WNT5B: variants seen among roughly 807,000 people sequenced by gnomAD.
WNT5B encodes the protein protein Wnt-5b.
Under a neutral mutation model 36.5 loss-of-function variants are expected in WNT5B, and 18 were observed. That is an observed-to-expected ratio of 0.49 (90% CI 0.34 to 0.73). The LOEUF (loss-of-function observed/expected upper bound fraction) is 0.73. Ranked by LOEUF, WNT5B falls within the 30% of genes least tolerant of loss-of-function variation. The pLI is 0.01. For synonymous variants in WNT5B, 213 were observed against 212.3 expected, an observed-to-expected ratio of 1.00 and a Z score of -0.03; for missense variants, 424 against 508.4, an observed-to-expected ratio of 0.83 and a Z score of 1.60.
In WNT5B at chr12:1,633,566, ATGGAGG is replaced by A. The variant is rs1034901460; in HGVS notation, c.328+664_328+669del. Among the ~76,000 whole-genome samples, 1 of 152,100 alleles carries A rather than the reference ATGGAGG, an allele frequency of 6.6e-6. No homozygotes were observed. The highest frequency in any genetic ancestry group is 2.4e-5 in the African/African-American group (1 of 41,418). On this transcript the variant is annotated intron_variant, in intron 3 of 4. Transcript: ENST00000397196. The surrounding 1 kb of genome is among the most constrained non-coding windows in gnomAD (Gnocchi z 4.8). ...ATTCTTGGGCCACCCTATTGCTTAG[ATGGAGG>A]TGTGATCTGAGGTCTAATTGTTTTA... is the stretch of plus-strand genomic sequence containing the variant.
At chr12:1,623,155 G>A (rs572508627) in intron 1 of WNT5B, among the ~76,000 whole-genome samples, 2 of 148,430 alleles carry the variant, frequency 1.3e-5, no homozygotes, top group African/African-American at 5.0e-5. Context: ...TCATCCTTTA[G>A]GAGATAGGAA....
At chr12:1,621,551 A>C (rs2094533801) in intron 1 of WNT5B, among the ~76,000 whole-genome samples, 1 of 152,156 alleles carries the variant, frequency 6.6e-6, no homozygotes, top group Non-Finnish European at 1.5e-5. Context: ...TTTTTTAAAA[A>C]GTTAATTTAA....
intron 4 of WNT5B, among the ~76,000 whole-genome samples, chr12:1,640,845 T>G (rs2094573725): frequency 1.3e-5 from 2 of 152,328 alleles, no homozygotes; most frequent in South Asian, 4.1e-4. Context: ...ATCTCTGCCT[T>G]TTGCTGCTTC....
chr12:1,618,561 C>G lies in WNT5B; in HGVS notation c.-58+1418C>G, dbSNP rs1244233006. ...TGTTCTCTTGAAACAATTCCTAAAC[C>G]ACACTGACCTGTGACCTATACACTT... On this transcript the variant is annotated intron_variant, in intron 1 of 4. Coordinates refer to the WNT5B transcript ENST00000310594. This position sits in a 1 kb window ranked among gnomAD's most constrained non-coding sequence, Gnocchi z 4.1. Among the ~76,000 whole-genome samples, 1 of 152,164 alleles carries G rather than the reference C, an allele frequency of 6.6e-6. No homozygotes were observed. Among genetic ancestry groups the G allele is most frequent in the Non-Finnish European group, 1.5e-5 (1 of 68,036 alleles).
chr12:1,620,301 C>T (rs964480711), intron 1 of WNT5B, among the ~76,000 whole-genome samples: 9 of 152,212 alleles, frequency 5.9e-5, no homozygotes, highest in African/African-American at 2.2e-4. Flanking sequence ...GGTCCCCAAA[C>T]AAGATAGTTT....
At chr12:1,643,187 G>C in intron 4 of WNT5B, among the ~76,000 whole-genome samples, 1 of 152,042 alleles carries the variant, frequency 6.6e-6, no homozygotes. Flanking sequence ...AGACGGTGGC[G>C]GCAACACCAG....
rs2094529967 is a variant in WNT5B, at chr12:1,618,658, TATC to T, written c.-58+1519_-58+1521del. On this transcript the variant is annotated intron_variant, in intron 1 of 4. Transcript: ENST00000310594. This position sits in a 1 kb window ranked among gnomAD's most constrained non-coding sequence, Gnocchi z 4.1. ...CAGGAGAAGGGAACTTCCTCTTTCT[TATC>T]ATCTGCACAGAATAAGACTTCCAGT... Among the ~76,000 whole-genome samples the T allele has an allele frequency of 6.6e-6, 1 of 152,226 alleles. No homozygotes were observed. The highest frequency in any genetic ancestry group is 2.4e-5 in the African/African-American group (1 of 41,460).
intron 1 of WNT5B, among the ~76,000 whole-genome samples, chr12:1,622,192 G>C (rs536584660): frequency 4.3e-4 from 64 of 147,980 alleles, no homozygotes; most frequent in Non-Finnish European, 7.7e-4. Flanking sequence ...CTCACTGCAA[G>C]CTCCGCTTCC....
At position 1,623,184 on chromosome 12, in the gene WNT5B, G is replaced by T. The variant is rs796730877; in HGVS notation, c.-58+6041G>T. 4.8e-3 allele frequency among the ~76,000 whole-genome samples: 257 copies of T among 53,306 alleles called. 1 individual carries two copies. Among genetic ancestry groups the T allele is most frequent in the African/African-American group, 0.012 (162 of 13,538 alleles). 35.0% of individuals were successfully genotyped at this position (53,306 alleles called of 152,430 possible). ...ATAGGAAACCTTTGAAGGGTTTTTT[G>T]TTGTTTTTTTTTTTTTTTTTTTTTT... is the stretch of plus-strand genomic sequence containing the variant. On this transcript the variant is annotated intron_variant, in intron 1 of 4. Coordinates refer to the WNT5B transcript ENST00000310594.
intron 1 of WNT5B, among the ~76,000 whole-genome samples, chr12:1,623,402 A>C (rs986244955): frequency 4.1e-5 from 6 of 147,094 alleles, no homozygotes; most frequent in African/African-American, 9.8e-5. Context: ...TCACCGTGTT[A>C]GCCAGGATGG....
chr12:1,624,735 G>A (rs187274716), upstream of WNT5B, among the ~76,000 whole-genome samples: 8 of 152,232 alleles, frequency 5.3e-5, no homozygotes, highest in Non-Finnish European at 8.8e-5. Context: ...AAAGGGGCTC[G>A]CAGAGAAAGT....
At chr12:1,625,363 A>G (rs1304206331), upstream of WNT5B, among the ~76,000 whole-genome samples, 1 of 152,136 alleles carries the variant, frequency 6.6e-6, no homozygotes, top group African/African-American at 2.4e-5. Flanking sequence ...AGTGAACCTG[A>G]TGTACATTTT....
chr12:1,621,065 T>C (rs942928506), intron 1 of WNT5B, among the ~76,000 whole-genome samples: 16 of 149,750 alleles, frequency 1.1e-4, no homozygotes, highest in African/African-American at 3.5e-4. Context: ...GAGATAAGAA[T>C]GGGACATAAG....
At chr12:1,626,023 C>T (rs1049568217), upstream of WNT5B, among the ~76,000 whole-genome samples, 19 of 148,924 alleles carry the variant, frequency 1.3e-4, no homozygotes, top group South Asian at 1.9e-3. Context: ...CTGTCACCCA[C>T]GCTGAAGTGC....
In WNT5B at chr12:1,632,247, T is replaced by C. The variant is rs1035914259; in HGVS notation, c.81-411T>C. 6.6e-6 allele frequency among the ~76,000 whole-genome samples: 1 copy of C among 152,226 alleles called. No homozygotes were observed. The highest frequency in any genetic ancestry group is 2.4e-5 in the African/African-American group (1 of 41,464). ...ATTGAATGAGGCCTGTGCTCTCCTGTTGAGGTTTGGCTCTTTTTGCCCTCT... is the reference window on the plus strand; with the variant it reads ...ATTGAATGAGGCCTGTGCTCTCCTGCTGAGGTTTGGCTCTTTTTGCCCTCT... On this transcript the variant is annotated intron_variant, in intron 2 of 4. Transcript: ENST00000397196. This position sits in a 1 kb window ranked among gnomAD's most constrained non-coding sequence, Gnocchi z 5.8.
chr12:1,630,121 C>A lies in WNT5B; in HGVS notation c.-58+750C>A, dbSNP rs1408093722. 4.1e-6 allele frequency: 4 copies of A among 985,378 alleles called. No homozygotes were observed. The highest frequency in any genetic ancestry group is 3.6e-6 in the Non-Finnish European group (3 of 830,020). The allele number at this position is 985,378 out of a possible 1,614,324, so 61.0% of individuals were successfully genotyped here. A position where few individuals can be genotyped will look rare whatever the true frequency, so the allele number is the denominator to read the frequency against. On this transcript the variant is annotated intron_variant, in intron 1 of 4. Coordinates refer to ENST00000397196, the MANE Select transcript of WNT5B (RefSeq NM_032642.3). This position sits in a 1 kb window ranked among gnomAD's most constrained non-coding sequence, Gnocchi z 5.3. The stretch of plus-strand genomic sequence containing the variant: ...GCGGCCCCAGGACAAAAATACTTCC[C>A]GGGCTGATGACCCGAAGCACCCGCC...
intron 4 of WNT5B, among the ~76,000 whole-genome samples, chr12:1,641,756 A>G (rs1327989820): frequency 1.3e-5 from 2 of 152,210 alleles, no homozygotes; most frequent in East Asian, 1.9e-4. Flanking sequence ...AGATCCTGCC[A>G]TTGCACTCCA....
chr12:1,630,198 GC>G lies in WNT5B; in HGVS notation c.-58+829del. ...CCGACGCGCGAGAGTGGCGCAGTGA[GC>G]CGGGGCGCGCGGGGCTGCGCTCGTC... is the stretch of plus-strand genomic sequence containing the variant. On this transcript the variant is annotated intron_variant, in intron 1 of 4. Coordinates refer to ENST00000397196, the MANE Select transcript of WNT5B (RefSeq NM_032642.3). The surrounding 1 kb of genome is among the most constrained non-coding windows in gnomAD (Gnocchi z 5.3). The G allele has an allele frequency of 2.4e-5, 24 of 985,362 alleles. No individual in the cohort carries two copies. Among genetic ancestry groups the G allele is most frequent in the Non-Finnish European group, 2.9e-5 (24 of 829,928 alleles). 61.0% of individuals were successfully genotyped at this position (985,362 alleles called of 1,614,324 possible).
At chr12:1,637,346 T>C (rs1360684221) in intron 3 of WNT5B, among the ~76,000 whole-genome samples, 1 of 152,208 alleles carries the variant, frequency 6.6e-6, no homozygotes, top group Non-Finnish European at 1.5e-5. Flanking sequence ...TTTCGAGATA[T>C]TGTGGGTTTG....
Sources: allele counts gnomAD v4.1 joint callset (sites outside exome capture counted in the v4.1 genomes callset), GRCh38; gene constraint gnomAD v4.1.1; non-coding constraint Gnocchi (gnomAD v3.1); transcripts MANE v1.5; gene names NCBI Gene and HGNC (gene_info 2026-07-23, HGNC 2026-07-21).